MYBPC1: variants seen among roughly 807,000 people sequenced by gnomAD.
MYBPC1 encodes the protein myosin binding protein C1.
Under a neutral mutation model 147.1 loss-of-function variants are expected in MYBPC1, and 52 were observed. That is an observed-to-expected ratio of 0.35 (90% CI 0.28 to 0.45). The LOEUF (loss-of-function observed/expected upper bound fraction) is 0.45, where lower values mean the gene tolerates loss of function less well. MYBPC1 is among the 20% of genes least tolerant of loss of function. The pLI, the probability that MYBPC1 is intolerant of heterozygous loss-of-function variation, is 1.00. For missense variants in MYBPC1, 1,228 were observed against 1,440.3 expected, an observed-to-expected ratio of 0.85 and a Z score of 2.39; for synonymous variants, 477 against 475.9, an observed-to-expected ratio of 1.00 and a Z score of -0.03.
chr12:101,606,761 A>G (rs1882357271), intron 1 of MYBPC1, among the ~76,000 whole-genome samples: 1 of 152,208 alleles, frequency 6.6e-6, no homozygotes, highest in South Asian at 2.1e-4. Context: ...CATCTCTGCT[A>G]CATAAGCAAT....
chr12:101,691,760 G>T, the MYBPC1 span, among the ~76,000 whole-genome samples: 1 of 152,232 alleles, frequency 6.6e-6, no homozygotes, highest in South Asian at 2.1e-4. Context: ...AACTTCCTGT[G>T]TGTCTGTAAT....
At chr12:101,612,075 CA>C (rs1330529341) in intron 1 of MYBPC1, among the ~76,000 whole-genome samples, 7,566 of 73,264 alleles carry the variant, frequency 0.1, 484 homozygotes, top group African/African-American at 0.31. Context: ...GACTCCATCT[CA>C]AAAAAAAAAG....
chr12:101,666,006 C>A (rs79716088), intron 22 of MYBPC1, among the ~76,000 whole-genome samples: 2,181 of 152,286 alleles, frequency 0.014, 63 homozygotes, highest in African/African-American at 0.05. Flanking sequence ...CAAGGGACAG[C>A]CAGTCCAGTC....
At chr12:101,644,871 A>G in intron 12 of MYBPC1, 75 bp downstream of exon 12, 1 of 1,343,104 alleles carries the variant, frequency 7.4e-7, no homozygotes, top group Non-Finnish European at 1.1e-6. Flanking sequence ...GACTTTTCTG[A>G]GAATAAAAGG....
At chr12:101,607,578 A>T (rs1882709718) in intron 1 of MYBPC1, among the ~76,000 whole-genome samples, 2 of 152,118 alleles carry the variant, frequency 1.3e-5, no homozygotes, top group Non-Finnish European at 2.9e-5. Context: ...CAAAAACAGA[A>T]CTAGAATCAT....
At chr12:101,691,257 C>T in the MYBPC1 span, among the ~76,000 whole-genome samples, 210 of 152,096 alleles carry the variant, frequency 1.4e-3, 1 homozygote, top group African/African-American at 4.8e-3. Context: ...TTTTTAGTAG[C>T]GACTGGGCTT....
intron 5 of MYBPC1, chr12:101,628,977 C>A (rs1889241315): frequency 4.4e-6 from 1 of 229,324 alleles, no homozygotes; most frequent in South Asian, 7.0e-5. Context: ...CTTTCTGACC[C>A]TTGTCAGACA....
chr12:101,662,405 C>G lies in MYBPC1; in HGVS notation c.2080C>G (p.Leu694Val). ...KKKQSSRWMR[L>V]NFDLCKETTF... ...GAAACAAAGCTCCAGGTGGATGAGG[C>G]TGAATTTTGATCTCTGCAAAGAAAC... The change falls in exon 21 of 32, where the codon CTG (leucine) becomes GTG (valine). Residue 694 changes from leucine to valine, a missense_variant. Leu to Val is a conservative substitution (Grantham distance 32, BLOSUM62 1). Coordinates refer to ENST00000361466, the MANE Select transcript of MYBPC1 (RefSeq NM_002465.4). The G allele has an allele frequency of 6.2e-7, 1 of 1,614,192 alleles. No homozygotes were observed. Among genetic ancestry groups the G allele is most frequent in the Admixed American group, 1.7e-5 (1 of 60,018 alleles).
rs752976916 is a variant in MYBPC1, at chr12:101,662,441, C to A, written c.2116C>A (p.Pro706Thr). The A allele has an allele frequency of 3.7e-6, 6 of 1,614,094 alleles. No homozygotes were observed. The highest frequency in any genetic ancestry group is 3.3e-5 in the South Asian group (3 of 91,088). ...TCTCTGCAAAGAAACAACTTTTGAG[C>A]CCAAGAAGATGATTGAAGGTGTGGC... ...FDLCKETTFEPKKMIEGVAYE... is the reference protein window; with the variant it reads ...FDLCKETTFETKKMIEGVAYE... The change falls in exon 21 of 32, where the codon CCC (proline) becomes ACC (threonine). Residue 706 changes from proline to threonine, a missense_variant. By Grantham distance (38) the Pro-to-Thr change is conservative. Around this residue, in one of 2 missense-constraint regions of MYBPC1, gnomAD observed 1,077 missense variants for 1,314.2 expected, o/e 0.82. Coordinates refer to ENST00000361466, the MANE Select transcript of MYBPC1 (RefSeq NM_002465.4).
At chr12:101,657,974 C>CA (rs966204490) in intron 18 of MYBPC1, among the ~76,000 whole-genome samples, 3 of 151,210 alleles carry the variant, frequency 2.0e-5, no homozygotes, top group Admixed American at 6.6e-5. Flanking sequence ...ACTAAAAATA[C>CA]AAAAAAAATT....
At chr12:101,691,108 G>A in the MYBPC1 span, among the ~76,000 whole-genome samples, 7 of 152,138 alleles carry the variant, frequency 4.6e-5, no homozygotes, top group South Asian at 2.1e-4. Flanking sequence ...GTCTCACTCT[G>A]TTGCCCATGC....
Position 101,684,415 on chromosome 12 carries a change from A to G in MYBPC1, c.*10A>G, listed in dbSNP as rs748043598. On this transcript the variant is annotated 3_prime_UTR_variant, in exon 31 of 32. Coordinates refer to ENST00000361466, the MANE Select transcript of MYBPC1 (RefSeq NM_002465.4). ...CAATAAGGATTTTTGAATGTATAATATCATCTAAGGTAAGCTTTCATATGG... is the reference window on the plus strand; with the variant it reads ...CAATAAGGATTTTTGAATGTATAATGTCATCTAAGGTAAGCTTTCATATGG... 4.9e-5 allele frequency: 77 copies of G among 1,585,880 alleles called. No individual in the cohort carries two copies. The highest frequency in any genetic ancestry group is 6.0e-5 in the Non-Finnish European group (70 of 1,162,296).
intron 3 of MYBPC1, among the ~76,000 whole-genome samples, chr12:101,618,200 T>C (rs892466506): frequency 1.3e-5 from 2 of 152,212 alleles, no homozygotes; most frequent in African/African-American, 2.4e-5. Context: ...TCCTATACAT[T>C]AGTAAAATAC....
intron 3 of MYBPC1, among the ~76,000 whole-genome samples, chr12:101,625,744 G>C (rs993277924): frequency 1.3e-5 from 2 of 152,152 alleles, no homozygotes; most frequent in African/African-American, 4.8e-5. Flanking sequence ...TCTGGTTACT[G>C]TCCTGGGAAA....
At position 101,677,397 on chromosome 12, in the gene MYBPC1, G is replaced by A; in HGVS notation, c.3109+3G>A. The A allele has an allele frequency of 6.2e-7, 1 of 1,613,894 alleles. No homozygotes were observed. The highest frequency in any genetic ancestry group is 8.5e-7 in the Non-Finnish European group (1 of 1,179,930). The stretch of plus-strand genomic sequence containing the variant: ...GAGTGCAGTGATCGCCAGGGATGGT[G>A]AGTTGGGAATGGACTGACATTTGAA... On this transcript the variant is annotated splice_donor_region_variant and intron_variant, in intron 27 of 31. Coordinates refer to ENST00000361466, the MANE Select transcript of MYBPC1 (RefSeq NM_002465.4).
chr12:101,668,943 TG>T (rs1240996501), intron 23 of MYBPC1, among the ~76,000 whole-genome samples: 3 of 152,000 alleles, frequency 2.0e-5, no homozygotes, highest in Non-Finnish European at 4.4e-5. Flanking sequence ...AAAAATTTGC[TG>T]GGTGTGGTGG....
At chr12:101,623,998 C>A (rs1027976476) in intron 3 of MYBPC1, among the ~76,000 whole-genome samples, 1 of 152,066 alleles carries the variant, frequency 6.6e-6, no homozygotes, top group South Asian at 2.1e-4. Flanking sequence ...TTGGGAGGTG[C>A]TAACGACCAT....
rs1200342788 is a variant in MYBPC1, at chr12:101,636,690, T to C, written c.627T>C (p.Asp209=). Residue 209 remains aspartate, a synonymous_variant, in exon 10 of 32, where the codon GAT becomes GAC. Coordinates refer to ENST00000361466, the MANE Select transcript of MYBPC1 (RefSeq NM_002465.4). ...AFKRSGEGQE[D]AGELDFSGLL... ...ACGACAGTGGAGAAGGTCAAGAGGA[T>C]GCAGGAGAACTTGACTTTAGTGGTC... is the stretch of plus-strand genomic sequence containing the variant. 4 of 1,613,724 alleles carry C rather than the reference T, an allele frequency of 2.5e-6. No homozygotes were observed. In the East Asian group the frequency reaches 6.7e-5, roughly 27 times the overall value.
intron 3 of MYBPC1, among the ~76,000 whole-genome samples, chr12:101,625,555 T>G (rs1823554596): frequency 6.6e-6 from 1 of 152,240 alleles, no homozygotes; most frequent in Non-Finnish European, 1.5e-5. Flanking sequence ...ATACTCTTAA[T>G]TAGTTAGTGC....
Sources: gnomAD v4.1 joint callset for allele counts (sites outside exome capture counted in the v4.1 genomes callset) on GRCh38, gnomAD v4.1.1 for gene constraint, gnomAD v4.1.1 regional missense constraint, MANE v1.5 for transcripts, NCBI Gene and HGNC (gene_info 2026-07-23, HGNC 2026-07-21) for gene names.